Variants in CYP4F22 observed in about 807,000 individuals in gnomAD.
The protein encoded by CYP4F22 is cytochrome P450 family 4 subfamily F member 22.
A neutral mutation model predicts 60.4 loss-of-function variants in CYP4F22; 37 were observed. The observed-to-expected ratio is 0.61, with a 90% CI of 0.47 to 0.81. CYP4F22 has a LOEUF of 0.81. Among genes scored for constraint, CYP4F22 ranks in the 30% least tolerant of loss-of-function variants. The pLI is 0.00. For synonymous variants in CYP4F22, 258 were observed against 280.5 expected (o/e 0.92, Z 0.80); for missense variants, 655 against 715.0 (o/e 0.92, Z 0.96).
rs200732696 is a variant in CYP4F22 at position 15,549,183 on chromosome 19, C to T, written c.1316C>T (p.Thr439Ile). Residue 439 changes from threonine to isoleucine, a missense_variant, in exon 12 of 14, where the codon ACA (threonine) becomes ATA (isoleucine). Around this residue, in one of 3 missense-constraint regions of CYP4F22, gnomAD observed 151 missense variants for 139.4 expected, o/e 1.08. Transcript: ENST00000269703. ...ATCTATGGAACCCACCACAACCCCA[C>T]AGTGTGGCCTGACTCCAAGGTGAGT... ...VSIYGTHHNP[T>I]VWPDSKVYNP... 3.7e-6 allele frequency: 6 copies of T among 1,614,076 alleles called. No homozygotes were observed. The East Asian group carries it at 1.1e-4, about 30-fold the overall frequency.
rs756727270 is a variant in CYP4F22 at position 15,516,835 on chromosome 19, CTTTTTTT to C, written c.-108-6845_-108-6839del. ...GTACGTGGCCTGAAGAGATGTTATT[CTTTTTTT>C]TTTTTTTTTTTTGAGACGGAGTCTG... On this transcript the variant is annotated intron_variant, in intron 1 of 13. Coordinates refer to ENST00000269703, the MANE Select transcript of CYP4F22 (RefSeq NM_173483.4). 9.1e-5 allele frequency: 19 copies of C among 207,926 alleles called. No individual in the cohort carries two copies. The South Asian group carries it at 1.7e-3, about 18-fold the overall frequency. 12.9% of individuals were successfully genotyped at this position (207,926 alleles called of 1,614,324 possible).
chr19:15,524,650 A>AAAAG (rs1027272509), intron 2 of CYP4F22, among the ~76,000 whole-genome samples: 2 of 147,712 alleles, frequency 1.4e-5, no homozygotes, highest in East Asian at 1.9e-4. Context: ...CCTTCTTTCA[A>AAAAG]AAAGAAAGAA....
At chr19:15,549,322 T>C (rs1971568693) in intron 12 of CYP4F22, 120 bp downstream of exon 12, 2 of 941,128 alleles carry the variant, frequency 2.1e-6, no homozygotes, top group Admixed American at 1.9e-5. Context: ...ACTCCGCATT[T>C]AGCCATTTAT....
intron 4 of CYP4F22, among the ~76,000 whole-genome samples, chr19:15,531,660 G>A (rs1006399240): frequency 6.6e-6 from 1 of 152,200 alleles, no homozygotes; most frequent in African/African-American, 2.4e-5. Flanking sequence ...CCAACTTGTG[G>A]GAAGAGCCCT....
chr19:15,543,877 A>AT, intron 8 of CYP4F22, 94 bp from the exon 9 acceptor site: 5 of 1,202,850 alleles, frequency 4.2e-6, no homozygotes, highest in Non-Finnish European at 5.9e-6. Flanking sequence ...AAAAAAAAAA[A>AT]GATGGGGGCG....
chr19:15,520,517 A>G (rs1339488598), intron 1 of CYP4F22, among the ~76,000 whole-genome samples: 1 of 151,790 alleles, frequency 6.6e-6, no homozygotes, highest in African/African-American at 2.4e-5. Flanking sequence ...AATGGAGGCA[A>G]TACTTCACTC....
At chr19:15,549,697 G>A (rs1005037356) in intron 12 of CYP4F22, among the ~76,000 whole-genome samples, 3 of 151,452 alleles carry the variant, frequency 2.0e-5, no homozygotes, top group African/African-American at 2.4e-5. Context: ...CAATGTGGTG[G>A]CTTGTGTCTG....
chr19:15,550,869 T>C (rs1289260038), intron 13 of CYP4F22, 113 bp downstream of exon 13: 1 of 1,294,128 alleles, frequency 7.7e-7, no homozygotes, highest in Non-Finnish European at 1.1e-6. Context: ...GCGTCCTTTC[T>C]GAAGACCCAG....
chr19:15,547,492 G>A (rs1185913880), intron 10 of CYP4F22, among the ~76,000 whole-genome samples: 1 of 152,122 alleles, frequency 6.6e-6, no homozygotes, highest in African/African-American at 2.4e-5. Flanking sequence ...TGCTAGTGCT[G>A]TTCTGAGCGG....
intron 8 of CYP4F22, among the ~76,000 whole-genome samples, chr19:15,541,418 A>T (rs1971460602): frequency 6.6e-6 from 1 of 152,050 alleles, no homozygotes; most frequent in South Asian, 2.1e-4. Context: ...CTCTTTGTAT[A>T]AGGATTAGGG....
intron 3 of CYP4F22, among the ~76,000 whole-genome samples, chr19:15,529,239 C>T (rs1227961914): frequency 6.6e-6 from 1 of 151,958 alleles, no homozygotes; most frequent in East Asian, 1.9e-4. Context: ...AGCGATTCTC[C>T]TGTCTCAGTC....
In CYP4F22 at chr19:15,509,889, C is replaced by CTTTCT. The variant is rs1356540776; in HGVS notation, c.-109+1308_-109+1309insTCTTT. On this transcript the variant is annotated intron_variant, in intron 1 of 13. Transcript: ENST00000269703. ...CCTTCCTTCCTTCCTTCCTTCCTTC[C>CTTTCT]TTCCTTCCTTCCTTCCTTTCTTTCT... 7.8e-3 allele frequency among the ~76,000 whole-genome samples: 917 copies of CTTTCT among 117,360 alleles called. 24 individuals are homozygous for CTTTCT. Among genetic ancestry groups the CTTTCT allele is most frequent in the East Asian group, 0.069 (211 of 3,070 alleles). The allele number at this position is 117,360 out of a possible 152,430, so 77.0% of individuals were successfully genotyped here. A position where few individuals can be genotyped will look rare whatever the true frequency, so the allele number is the denominator to read the frequency against.
chr19:15,519,700 A>G (rs910715776), intron 1 of CYP4F22, among the ~76,000 whole-genome samples: 1 of 151,870 alleles, frequency 6.6e-6, no homozygotes, highest in African/African-American at 2.4e-5. Context: ...TAGAAAGGGG[A>G]TTGTGGTGGC....
intron 1 of CYP4F22, chr19:15,516,628 T>C: frequency 2.9e-6 from 1 of 339,708 alleles, no homozygotes; most frequent in Non-Finnish European, 5.7e-6. Context: ...AAGCATTCTA[T>C]TTCTGAATAA....
chr19:15,520,870 C>T (rs1395101168), intron 1 of CYP4F22, among the ~76,000 whole-genome samples: 6 of 151,830 alleles, frequency 4.0e-5, no homozygotes, highest in Non-Finnish European at 8.8e-5. Flanking sequence ...TGGGTTCGAG[C>T]AATTCTCCTG....
chr19:15,544,158 A>T lies in CYP4F22; in HGVS notation c.1015A>T (p.Thr339Ser), dbSNP rs762090356. 6.2e-7 allele frequency: 1 copy of T among 1,614,214 alleles called. No individual in the cohort carries two copies. The highest frequency in any genetic ancestry group is 2.2e-5 in the East Asian group (1 of 44,886). ...ADTFMFEGHD[T>S]TSSGISWMLF... is the part of the protein sequence containing the mutation. ...CCCTCATCTCCCTGCAGGTCACGAC[A>T]CAACATCCAGTGGGATCTCTTGGAT... Residue 339 changes from threonine (T) to serine (S), a missense_variant, in exon 10 of 14, where the codon ACA (threonine) becomes TCA (serine). By Grantham distance (58) the Thr-to-Ser change is moderately conservative (BLOSUM62 1). Transcript: ENST00000269703.
chr19:15,532,604 A>T (rs1599801943), intron 4 of CYP4F22, among the ~76,000 whole-genome samples: 1 of 149,350 alleles, frequency 6.7e-6, no homozygotes, highest in African/African-American at 2.5e-5. Context: ...CTGGTCTTGA[A>T]CTCCTGACCT....
rs1000493687 is a variant in CYP4F22, at chr19:15,551,688, T to C, written c.*217T>C. 1.6e-5 allele frequency: 10 copies of C among 629,162 alleles called. No homozygotes were observed. The highest frequency in any genetic ancestry group is 3.7e-5 in the African/African-American group (2 of 54,284). The allele number at this position is 629,162 out of a possible 1,614,324, so 39.0% of individuals were successfully genotyped here. A position where few individuals can be genotyped will look rare whatever the true frequency, so the allele number is the denominator to read the frequency against. ...GGGGCCTGATCCCGCCCCTTGAGGC[T>C]TAGGTCCCGCCCCCTGACTTCTCGC... On this transcript the variant is annotated 3_prime_UTR_variant, in exon 14 of 14. Coordinates refer to ENST00000269703, the MANE Select transcript of CYP4F22 (RefSeq NM_173483.4).
chr19:15,550,343 G>A (rs953604534), intron 12 of CYP4F22, among the ~76,000 whole-genome samples: 2 of 152,202 alleles, frequency 1.3e-5, no homozygotes, highest in African/African-American at 4.8e-5. Flanking sequence ...AAAAACAGGT[G>A]GAGGGGGCAC....
Sources: gnomAD v4.1 joint callset for allele counts (sites outside exome capture counted in the v4.1 genomes callset) on GRCh38, gnomAD v4.1.1 for gene constraint, gnomAD v4.1.1 regional missense constraint, MANE v1.5 for transcripts, NCBI Gene and HGNC (gene_info 2026-07-23, HGNC 2026-07-21) for gene names.